Variants in TULP4 observed in about 807,000 individuals in gnomAD.
The protein encoded by TULP4 is tubby-related protein 4.
In TULP4, 16 loss-of-function variants were observed where a neutral mutation model predicts 129.0. The observed-to-expected ratio is 0.12, with a 90% CI of 0.08 to 0.19. TULP4 has a LOEUF of 0.19. Ranked by LOEUF, TULP4 falls within the 10% of genes least tolerant of loss-of-function variation. The pLI, the probability that TULP4 is intolerant of heterozygous loss-of-function variation, is 1.00. For synonymous variants in TULP4, 998 were observed against 854.0 expected (o/e 1.17, Z -2.94); for missense variants, 1,842 against 2,059.1 (o/e 0.89, Z 2.04).
At chr6:158,479,562 C>T (rs1356171243) in intron 6 of TULP4, among the ~76,000 whole-genome samples, 189 bp from the exon 7 acceptor site, 1 of 152,172 alleles carries the variant, frequency 6.6e-6, no homozygotes, top group Admixed American at 6.5e-5. Flanking sequence ...CATGCCCAGC[C>T]CTCTAGCCAA....
chr6:158,276,245 C>T (rs1778643500), intron 1 of TULP4, among the ~76,000 whole-genome samples: 1 of 152,134 alleles, frequency 6.6e-6, no homozygotes, highest in Non-Finnish European at 1.5e-5. Flanking sequence ...GCTGGGATTA[C>T]AGGCGTGAGC....
At position 158,249,089 on chromosome 6, in the gene TULP4, CAAAAAA is replaced by C. The variant is rs3884262; in HGVS notation, n.68+16797_68+16802del. Among the ~76,000 whole-genome samples, 3 of 106,542 alleles carry C rather than the reference CAAAAAA, an allele frequency of 2.8e-5. No individual in the cohort carries two copies. In the South Asian group the frequency reaches 9.4e-4, roughly 33 times the overall value. 69.9% of individuals were successfully genotyped at this position (106,542 alleles called of 152,430 possible). A position where few individuals can be genotyped will look rare whatever the true frequency, so the allele number is the denominator to read the frequency against. The stretch of plus-strand genomic sequence containing the variant: ...TGGGTGACAGAGTGAGACCCTGTCT[CAAAAAA>C]AAAAAAAAAAGAAAAAAGAGGTTGG... On this transcript the variant is annotated intron_variant and non_coding_transcript_variant, in intron 1 of 1. Coordinates refer to the TULP4 transcript ENST00000620026.
chr6:158,506,695 A>AG lies in TULP4; in HGVS notation c.*2dup. On this transcript the variant is annotated 3_prime_UTR_variant, in exon 14 of 14. Coordinates refer to ENST00000367097, the MANE Select transcript of TULP4 (RefSeq NM_020245.5). ...CAACGTGACTCAGCGCCTCAAATGA[A>AG]GAGACTGGTGTGGGGAGGAGAGAGA... 6.3e-7 allele frequency: 1 copy of AG among 1,596,412 alleles called. No individual in the cohort carries two copies. The highest frequency in any genetic ancestry group is 8.6e-7 in the Non-Finnish European group (1 of 1,164,040).
At chr6:158,353,022 C>T (rs1464064229) in intron 1 of TULP4, among the ~76,000 whole-genome samples, 1 of 152,150 alleles carries the variant, frequency 6.6e-6, no homozygotes, top group African/African-American at 2.4e-5. Flanking sequence ...AGTAGGCAAG[C>T]CTGCAGAGAG....
chr6:158,329,006 A>G (rs1779814244), intron 1 of TULP4, among the ~76,000 whole-genome samples: 1 of 152,182 alleles, frequency 6.6e-6, no homozygotes. Context: ...GAAGGGTGCC[A>G]CAAGGAAAAA....
intron 1 of TULP4, among the ~76,000 whole-genome samples, chr6:158,350,847 G>A (rs111275534): frequency 2.0e-5 from 3 of 151,612 alleles, no homozygotes; most frequent in South Asian, 2.1e-4. Flanking sequence ...TGCAGCCTCC[G>A]CCTCCCGGTT....
At chr6:158,264,447 TA>T (rs1418155185) in intron 1 of TULP4, among the ~76,000 whole-genome samples, 2 of 152,184 alleles carry the variant, frequency 1.3e-5, no homozygotes, top group Admixed American at 6.5e-5. Flanking sequence ...CCATTTGGCT[TA>T]TTTGTGTGTT....
chr6:158,242,252 G>C (rs1464003247), intron 1 of TULP4: 1 of 1,548,142 alleles, frequency 6.5e-7, no homozygotes, highest in Non-Finnish European at 8.9e-7. Flanking sequence ...GCCTGGTTCA[G>C]CTGGCCGTGG....
chr6:158,276,911 T>C (rs1418553296), intron 1 of TULP4, among the ~76,000 whole-genome samples: 1 of 151,944 alleles, frequency 6.6e-6, no homozygotes, highest in African/African-American at 2.4e-5. Context: ...TCTGCTGGTC[T>C]TCTTTTTTTT....
chr6:158,343,121 C>G (rs1178495434), intron 1 of TULP4, among the ~76,000 whole-genome samples: 1 of 151,944 alleles, frequency 6.6e-6, no homozygotes, highest in Admixed American at 6.6e-5. Flanking sequence ...AGGAGTTGTG[C>G]ATGCTTGGAG....
chr6:158,237,622 C>T, intron 1 of TULP4: 1 of 1,417,144 alleles, frequency 7.1e-7, no homozygotes, highest in Non-Finnish European at 9.9e-7. Context: ...CATTGGCAGC[C>T]ATCTTTCTGG....
At chr6:158,385,369 A>G (rs908052020) in intron 1 of TULP4, among the ~76,000 whole-genome samples, 7 of 152,186 alleles carry the variant, frequency 4.6e-5, no homozygotes, top group African/African-American at 1.7e-4. Context: ...GTTAGGTTGT[A>G]CCATAGATGA....
chr6:158,461,701 A>T lies in TULP4; in HGVS notation c.998A>T (p.His333Leu). 6.2e-7 allele frequency: 1 copy of T among 1,614,210 alleles called. No individual in the cohort carries two copies. The highest frequency in any genetic ancestry group is 8.5e-7 in the Non-Finnish European group (1 of 1,180,040). The change falls in exon 6 of 14, where the codon CAC becomes CTC. Residue 333 changes from histidine to leucine, a missense_variant. Around this residue, in one of 5 missense-constraint regions of TULP4, gnomAD observed 456 missense variants for 534.3 expected, o/e 0.85. Coordinates refer to ENST00000367097, the MANE Select transcript of TULP4 (RefSeq NM_020245.5). ...MVKFYNVRGE[H>L]IFTLDTLVQR... The stretch of plus-strand genomic sequence containing the variant: ...AAGTTCTACAATGTTCGTGGGGAGC[A>T]CATCTTCACACTGGACACTCTCGTG...
At chr6:158,317,184 T>TG (rs1285927394) in intron 1 of TULP4, among the ~76,000 whole-genome samples, 2 of 37,780 alleles carry the variant, frequency 5.3e-5, no homozygotes, top group Non-Finnish European at 7.6e-5. Flanking sequence ...TTTACTTTTT[T>TG]GGTTTTTTTT....
At position 158,506,592 on chromosome 6, in the gene TULP4, A is replaced by G. The variant is rs767174519; in HGVS notation, c.4530A>G (p.Gly1510=). The part of the protein sequence containing the change: ...ELEGRQVMQF[G]RIDGSAYILD... Reference sequence around the variant, plus strand: ...CCCTCCTCCAGGTGATGCAGTTTGGACGGATTGATGGCAGTGCGTACATTC... The same window carrying G: ...CCCTCCTCCAGGTGATGCAGTTTGGGCGGATTGATGGCAGTGCGTACATTC... Residue 1510 remains glycine (G), a synonymous_variant, in exon 14 of 14, where the codon GGA becomes GGG. Coordinates refer to ENST00000367097, the MANE Select transcript of TULP4 (RefSeq NM_020245.5). 2.5e-6 allele frequency: 4 copies of G among 1,612,314 alleles called. No homozygotes were observed. The Admixed American group carries it at 5.0e-5, about 20-fold the overall frequency.
chr6:158,432,264 C>T (rs757489758), intron 3 of TULP4, among the ~76,000 whole-genome samples: 1 of 151,996 alleles, frequency 6.6e-6, no homozygotes, highest in African/African-American at 2.4e-5. Context: ...CACTCATTCA[C>T]ATCTCTTGCT....
intron 10 of TULP4, 110 bp from the exon 11 acceptor site, chr6:158,494,643 C>T (rs186396467): frequency 2.1e-6 from 2 of 959,362 alleles, no homozygotes; most frequent in Admixed American, 5.0e-5. Flanking sequence ...GTGTTTCTTG[C>T]AGTGCACACT....
At position 158,502,730 on chromosome 6, in the gene TULP4, G is replaced by T. The variant is rs770140661; in HGVS notation, c.3067G>T (p.Val1023Leu). 1 of 1,573,224 alleles carries T rather than the reference G, an allele frequency of 6.4e-7. No homozygotes were observed. Among genetic ancestry groups the T allele is most frequent in the African/African-American group, 1.3e-5 (1 of 74,362 alleles). The change falls in exon 13 of 14, where the codon GTG becomes TTG. Residue 1023 changes from valine to leucine, a missense_variant. Val to Leu is a conservative substitution (Grantham distance 32, BLOSUM62 1). Around this residue, in one of 5 missense-constraint regions of TULP4, gnomAD observed 1,089 missense variants for 987.1 expected, o/e 1.10. Coordinates refer to ENST00000367097, the MANE Select transcript of TULP4 (RefSeq NM_020245.5). ...GTCCAAGGGCGGGCCCGGGGGGGTG[G>T]TGACACAGCTCCCAGCGCGGCCCCC... is the stretch of plus-strand genomic sequence containing the variant. ...AKSKGGPGGV[V>L]TQLPARPPPA...
intron 1 of TULP4, among the ~76,000 whole-genome samples, chr6:158,295,466 A>G (rs1326570404): frequency 1.3e-5 from 2 of 148,928 alleles, no homozygotes; most frequent in African/African-American, 4.8e-5. Flanking sequence ...AAGTTAAAAA[A>G]TTCTCAAATT....
Sources: gnomAD v4.1 joint callset for allele counts (sites outside exome capture counted in the v4.1 genomes callset) on GRCh38, gnomAD v4.1.1 for gene constraint, gnomAD v4.1.1 regional missense constraint, MANE v1.5 for transcripts, NCBI Gene and HGNC (gene_info 2026-07-23, HGNC 2026-07-21) for gene names.